The following CMTM8 variants were observed in gnomAD, a reference collection of about 807,000 sequenced individuals.
CMTM8 encodes the protein CKLF-like MARVEL transmembrane domain-containing protein 8.
CMTM8 carries 12 observed loss-of-function variants against 18.6 expected under a neutral mutation model. The observed-to-expected ratio is 0.65, with a 90% CI of 0.41 to 1.05. CMTM8 has a LOEUF of 1.05. Ranked by LOEUF, CMTM8 falls within the 50% of genes least tolerant of loss-of-function variation. CMTM8 has a pLI of 0.00. For missense variants in CMTM8, 217 were observed against 227.2 expected, an observed-to-expected ratio of 0.95 and a Z score of 0.29; for synonymous variants, 87 against 90.6, an observed-to-expected ratio of 0.96 and a Z score of 0.23.
At chr3:32,313,118 C>T (rs1001082695) in intron 1 of CMTM8, among the ~76,000 whole-genome samples, 13 of 152,000 alleles carry the variant, frequency 8.6e-5, no homozygotes, top group African/African-American at 2.7e-4. Context: ...CTCTTGGAGG[C>T]CATTATTCTG....
intron 1 of CMTM8, among the ~76,000 whole-genome samples, chr3:32,305,935 T>G (rs1255027537): frequency 2.0e-5 from 3 of 152,266 alleles, no homozygotes. Context: ...CAGTTAACCC[T>G]ATGCTATTAA....
intron 1 of CMTM8, among the ~76,000 whole-genome samples, chr3:32,255,978 T>C (rs906831419): frequency 1.3e-5 from 2 of 152,194 alleles, no homozygotes; most frequent in South Asian, 2.1e-4. Flanking sequence ...TACGCCTGCG[T>C]TGGCCTCCCA....
chr3:32,326,210 T>C (rs550837707), intron 1 of CMTM8, among the ~76,000 whole-genome samples: 29 of 152,346 alleles, frequency 1.9e-4, no homozygotes, highest in Admixed American at 1.7e-3. Flanking sequence ...CATACAGCCA[T>C]TGGCAAAGGA....
chr3:32,345,365 A>G (rs62243335), intron 1 of CMTM8, among the ~76,000 whole-genome samples: 4 of 151,872 alleles, frequency 2.6e-5, no homozygotes, highest in Middle Eastern at 3.4e-3. Context: ...AAAAAACAAC[A>G]ATTTTTTTTT....
intron 1 of CMTM8, among the ~76,000 whole-genome samples, chr3:32,310,521 G>C (rs1695799647): frequency 6.6e-6 from 1 of 152,166 alleles, no homozygotes; most frequent in Admixed American, 6.5e-5. Context: ...AAAAATAGCT[G>C]TTTACTACTT....
intron 1 of CMTM8, among the ~76,000 whole-genome samples, chr3:32,283,148 A>G (rs1223987836): frequency 2.0e-5 from 3 of 152,192 alleles, no homozygotes; most frequent in Non-Finnish European, 4.4e-5. Flanking sequence ...AGTTTTTCAT[A>G]CAGGGGGAGG....
intron 1 of CMTM8, among the ~76,000 whole-genome samples, chr3:32,285,040 C>T (rs1426539168): frequency 1.3e-5 from 2 of 152,086 alleles, no homozygotes; most frequent in African/African-American, 4.8e-5. Flanking sequence ...CCTCATATGA[C>T]CTGGTTCAAG....
intron 1 of CMTM8, among the ~76,000 whole-genome samples, chr3:32,328,481 G>A (rs6764377): frequency 0.18 from 11,680 of 65,022 alleles, 491 homozygotes; most frequent in Middle Eastern, 0.29. Context: ...AGCTCTGATC[G>A]TGCCGCTGCA....
chr3:32,349,271 T>C lies in CMTM8; in HGVS notation c.148-8102T>C, dbSNP rs534949134. The stretch of plus-strand genomic sequence containing the variant: ...TGGATGGGGCTTATGAACCTTGAAC[T>C]TCATTGAAGATTGACCTGGCTGGGC... On this transcript the variant is annotated intron_variant, in intron 1 of 3. Coordinates refer to ENST00000307526, the MANE Select transcript of CMTM8 (RefSeq NM_178868.5). Among the ~76,000 whole-genome samples the C allele has an allele frequency of 2.0e-5, 3 of 152,204 alleles. No homozygotes were observed. In the South Asian group the frequency reaches 6.2e-4, roughly 32 times the overall value.
chr3:32,303,589 T>C (rs2125564581), intron 1 of CMTM8, among the ~76,000 whole-genome samples: 1 of 152,336 alleles, frequency 6.6e-6, no homozygotes, highest in East Asian at 1.9e-4. Context: ...ACATTCTGGC[T>C]TGTTTACACA....
intron 1 of CMTM8, among the ~76,000 whole-genome samples, chr3:32,317,454 G>A (rs557463221): frequency 1.3e-5 from 2 of 152,218 alleles, no homozygotes; most frequent in African/African-American, 4.8e-5. Flanking sequence ...GAGGTAAATG[G>A]TCATAACTTT....
At chr3:32,308,168 G>A (rs564384739) in intron 1 of CMTM8, among the ~76,000 whole-genome samples, 56 of 152,258 alleles carry the variant, frequency 3.7e-4, no homozygotes, top group African/African-American at 1.3e-3. Flanking sequence ...GCACTCTACC[G>A]ACTCCATGTC....
intron 1 of CMTM8, among the ~76,000 whole-genome samples, chr3:32,311,039 A>G (rs1468937345): frequency 1.3e-5 from 2 of 152,152 alleles, no homozygotes; most frequent in Non-Finnish European, 2.9e-5. Flanking sequence ...TACTAATGTA[A>G]ACGACCTGGA....
intron 1 of CMTM8, among the ~76,000 whole-genome samples, chr3:32,280,729 A>C (rs1210665165): frequency 6.6e-6 from 1 of 151,962 alleles, no homozygotes; most frequent in African/African-American, 2.4e-5. Flanking sequence ...GTCACTGGTA[A>C]CATAAGTAGT....
At chr3:32,250,961 A>T (rs1306563955) in intron 1 of CMTM8, among the ~76,000 whole-genome samples, 2 of 152,130 alleles carry the variant, frequency 1.3e-5, no homozygotes, top group Non-Finnish European at 2.9e-5. Flanking sequence ...TAGTTCTAAT[A>T]ATTATTTTGT....
chr3:32,310,376 T>G (rs1277100187), intron 1 of CMTM8, among the ~76,000 whole-genome samples: 1 of 152,168 alleles, frequency 6.6e-6, no homozygotes, highest in Non-Finnish European at 1.5e-5. Flanking sequence ...AAAATATACC[T>G]GAGCTGTAGA....
intron 1 of CMTM8, among the ~76,000 whole-genome samples, chr3:32,281,278 A>G (rs1031171714): frequency 6.6e-6 from 1 of 152,188 alleles, no homozygotes; most frequent in Non-Finnish European, 1.5e-5. Flanking sequence ...TCTTTACATT[A>G]ATAAAAGTTG....
At chr3:32,334,867 G>T (rs529465509) in intron 1 of CMTM8, among the ~76,000 whole-genome samples, 1 of 152,216 alleles carries the variant, frequency 6.6e-6, no homozygotes, top group East Asian at 1.9e-4. Context: ...GCTCATGCCT[G>T]CCCTCCACTG....
chr3:32,296,473 T>C (rs918149444), intron 1 of CMTM8, among the ~76,000 whole-genome samples: 1 of 152,252 alleles, frequency 6.6e-6, no homozygotes, highest in Non-Finnish European at 1.5e-5. Context: ...GACTTGGCTC[T>C]CCTCACTGGG....
Sources: allele counts gnomAD v4.1 joint callset (sites outside exome capture counted in the v4.1 genomes callset), GRCh38; gene constraint gnomAD v4.1.1; transcripts MANE v1.5; gene names NCBI Gene and HGNC (gene_info 2026-07-23, HGNC 2026-07-21).